The following LTN1 variants were observed in gnomAD, a reference collection of about 807,000 sequenced individuals.
LTN1 encodes E3 ubiquitin-protein ligase listerin.
Under a neutral mutation model 201.2 loss-of-function variants are expected in LTN1, and 88 were observed. That is an observed-to-expected ratio of 0.44 (90% CI 0.37 to 0.52). The LOEUF is 0.52. Among genes scored for constraint, LTN1 ranks in the 20% least tolerant of loss-of-function variants. The pLI, the probability that LTN1 is intolerant of heterozygous loss-of-function variation, is 0.00. For synonymous variants in LTN1, 645 were observed against 713.5 expected, an observed-to-expected ratio of 0.90 and a Z score of 1.53; for missense variants, 1,752 against 2,038.7, an observed-to-expected ratio of 0.86 and a Z score of 2.71.
At chr21:28,955,699 C>A (rs184945758) in intron 16 of LTN1, among the ~76,000 whole-genome samples, 4 of 151,702 alleles carry the variant, frequency 2.6e-5, no homozygotes, top group African/African-American at 7.3e-5. Flanking sequence ...CTGAGACGGG[C>A]GGATCACGAG....
chr21:28,956,761 C>T lies in LTN1; in HGVS notation c.3079+1G>A, dbSNP rs1431417828. ...ATATGTAAATACTCATATATACTTA[C>T]TTATTTTCTCAAGCTCATTATTTTC... On this transcript the variant is annotated splice_donor_variant, in intron 16 of 29. Transcript: ENST00000361371. LOFTEE classifies it high-confidence loss of function. 1 of 1,556,582 alleles carries T rather than the reference C, an allele frequency of 6.4e-7. No homozygotes were observed. The highest frequency in any genetic ancestry group is 1.8e-5 in the Admixed American group (1 of 55,180).
intron 26 of LTN1, among the ~76,000 whole-genome samples, chr21:28,935,545 TAA>T: frequency 6.6e-6 from 1 of 152,104 alleles, no homozygotes. Flanking sequence ...AATTTTTTTT[TAA>T]AGTGAAAATC....
intron 25 of LTN1, among the ~76,000 whole-genome samples, chr21:28,938,649 CA>C (rs988438974): frequency 6.6e-6 from 1 of 150,754 alleles, no homozygotes; most frequent in African/African-American, 2.4e-5. Context: ...TTTCAATAGC[CA>C]AAAAAAAGGA....
chr21:28,941,272 T>C lies in LTN1; in HGVS notation c.4430A>G (p.Tyr1477Cys), dbSNP rs746453272. 6.2e-7 allele frequency: 1 copy of C among 1,612,520 alleles called. No homozygotes were observed. Among genetic ancestry groups the C allele is most frequent in the Non-Finnish European group, 8.5e-7 (1 of 1,179,462 alleles). ...TAGTATTAATTTCCAAGTGAGAAGGTATCCCAGAACATAACAGAAGTCTTC... is the reference window on the plus strand; with the variant it reads ...TAGTATTAATTTCCAAGTGAGAAGGCATCCCAGAACATAACAGAAGTCTTC... Reference protein sequence around the residue: ...LSEDFCYVLGYLLTWKLILTF... With the variant: ...LSEDFCYVLGCLLTWKLILTF... Residue 1477 changes from tyrosine to cysteine, a missense_variant, in exon 25 of 30, where the codon TAC (tyrosine) becomes TGC (cysteine). Around this residue, in one of 3 missense-constraint regions of LTN1, gnomAD observed 261 missense variants for 350.1 expected, o/e 0.75. Transcript: ENST00000361371.
chr21:28,953,119 C>T lies in LTN1; in HGVS notation c.3239+98G>A, dbSNP rs575065687. ...GGAATTATTTAGATCAATCCTCTGACTGAAACATTAGCATGCAGTAGGGTT... is the reference window on the plus strand; with the variant it reads ...GGAATTATTTAGATCAATCCTCTGATTGAAACATTAGCATGCAGTAGGGTT... On this transcript the variant is annotated intron_variant, in intron 17 of 29. Transcript: ENST00000361371. 1.1e-4 allele frequency: 81 copies of T among 736,078 alleles called. No homozygotes were observed. The South Asian group carries it at 1.1e-3, about 10-fold the overall frequency. The allele number at this position is 736,078 out of a possible 1,614,324, so 45.6% of individuals were successfully genotyped here.
intron 26 of LTN1, among the ~76,000 whole-genome samples, chr21:28,935,788 C>T (rs1187523911): frequency 6.8e-6 from 1 of 146,562 alleles, no homozygotes; most frequent in Non-Finnish European, 1.5e-5. Flanking sequence ...TGCAGTGAGC[C>T]GAGATCACGC....
chr21:28,945,032 G>A (rs938358059), intron 21 of LTN1, among the ~76,000 whole-genome samples: 3 of 152,086 alleles, frequency 2.0e-5, no homozygotes, highest in African/African-American at 7.2e-5. Context: ...GACCAGCCTG[G>A]CCAAAATGGT....
chr21:28,991,122 G>A (rs2084741463), intron 1 of LTN1, among the ~76,000 whole-genome samples: 1 of 149,908 alleles, frequency 6.7e-6, no homozygotes, highest in Admixed American at 6.7e-5. Context: ...GGGTAACAGA[G>A]CCAGACTCTG....
intron 24 of LTN1, among the ~76,000 whole-genome samples, chr21:28,941,791 T>C (rs975343135): frequency 6.6e-6 from 1 of 152,194 alleles, no homozygotes; most frequent in Non-Finnish European, 1.5e-5. Context: ...ACTTCGAACT[T>C]TGTCACTTCA....
intron 16 of LTN1, among the ~76,000 whole-genome samples, chr21:28,956,198 G>T (rs1202127745): frequency 6.6e-6 from 1 of 152,038 alleles, no homozygotes; most frequent in East Asian, 1.9e-4. Context: ...ATATGACCTA[G>T]TATTCAATAA....
Position 28,945,812 on chromosome 21 carries a change from A to C in LTN1, c.3763T>G (p.Leu1255Val). ...DFIMCSMLAWLETTSENQALY... is the reference protein window; with the variant it reads ...DFIMCSMLAWVETTSENQALY... ...GACATATCGGGTTAATTTACCTCCAACCAAGCCAACATGGAGCACATGATG... is the reference window on the plus strand; with the variant it reads ...GACATATCGGGTTAATTTACCTCCACCCAAGCCAACATGGAGCACATGATG... The change falls in exon 21 of 30, where the codon TTG becomes GTG. Residue 1255 changes from leucine to valine, a missense_variant. By Grantham distance (32) the Leu-to-Val change is conservative (BLOSUM62 1). Around this residue, in one of 3 missense-constraint regions of LTN1, gnomAD observed 1,211 missense variants for 1,312.8 expected, o/e 0.92. Transcript: ENST00000361371. 1 of 1,612,674 alleles carries C rather than the reference A, an allele frequency of 6.2e-7. No individual in the cohort carries two copies. Among genetic ancestry groups the C allele is most frequent in the Non-Finnish European group, 8.5e-7 (1 of 1,179,228 alleles).
chr21:28,938,037 A>G (rs961489110), intron 25 of LTN1, among the ~76,000 whole-genome samples: 2 of 152,202 alleles, frequency 1.3e-5, no homozygotes, highest in Non-Finnish European at 2.9e-5. Flanking sequence ...GGCCAAAACA[A>G]TGACAAGAAA....
At chr21:28,954,259 G>A (rs2084406836) in intron 16 of LTN1, among the ~76,000 whole-genome samples, 1 of 152,186 alleles carries the variant, frequency 6.6e-6, no homozygotes, top group African/African-American at 2.4e-5. Context: ...GAAGGTGGCT[G>A]CCCAAAAGAG....
intron 29 of LTN1, 40 bp downstream of exon 29, chr21:28,931,115 T>C (rs558912730): frequency 1.6e-6 from 2 of 1,264,286 alleles, no homozygotes; most frequent in East Asian, 2.3e-5. Flanking sequence ...GTGTATAAAA[T>C]ACATAAAATA....
intron 6 of LTN1, among the ~76,000 whole-genome samples, chr21:28,979,293 A>C (rs1490408392): frequency 6.6e-6 from 1 of 152,228 alleles, no homozygotes; most frequent in Non-Finnish European, 1.5e-5. Flanking sequence ...CACTTCACTG[A>C]CTCAGCAATT....
chr21:28,953,072 A>C (rs2084395699), intron 17 of LTN1, 145 bp downstream of exon 17: 2 of 480,348 alleles, frequency 4.2e-6, no homozygotes, highest in African/African-American at 2.0e-5. Context: ...TAGAATTCAT[A>C]AACTATTTAT....
intron 6 of LTN1, among the ~76,000 whole-genome samples, chr21:28,979,928 C>T (rs748457899): frequency 2.0e-5 from 3 of 152,120 alleles, no homozygotes; most frequent in Non-Finnish European, 4.4e-5. Flanking sequence ...GTCTAGATCA[C>T]GCCATTGCAC....
At chr21:28,960,968 C>G (rs1325189338) in intron 11 of LTN1, 1 of 300,514 alleles carries the variant, frequency 3.3e-6, no homozygotes, top group South Asian at 7.3e-5. Context: ...AACTTAAAAT[C>G]CCATCCATTC....
chr21:28,949,012 T>A (rs2084363069), intron 18 of LTN1, among the ~76,000 whole-genome samples: 1 of 152,340 alleles, frequency 6.6e-6, no homozygotes, highest in Admixed American at 6.5e-5. Context: ...TGCACAGGTG[T>A]GACTGTTTAG....
Sources: allele counts gnomAD v4.1 joint callset (sites outside exome capture counted in the v4.1 genomes callset), GRCh38; gene constraint gnomAD v4.1.1; regional missense constraint gnomAD v4.1.1; transcripts MANE v1.5; gene names NCBI Gene and HGNC (gene_info 2026-07-23, HGNC 2026-07-21).